The following IGSF5 variants were observed in gnomAD, a reference collection of about 807,000 sequenced individuals.
IGSF5 encodes immunoglobulin superfamily member 5, also known as immunoglobulin superfamily 5 like.
A neutral mutation model predicts 39.4 loss-of-function variants in IGSF5; 41 were observed. That is an observed-to-expected ratio of 1.04 (90% CI 0.81 to 1.35). The LOEUF (loss-of-function observed/expected upper bound fraction) is 1.35, where lower values mean the gene tolerates loss of function less well. Among genes scored for constraint, IGSF5 ranks in the 40% most tolerant of loss-of-function variants. The probability of loss-of-function intolerance (pLI) is 0.00; values close to 1 mark genes in which losing one functional copy is unlikely to be tolerated. For synonymous variants in IGSF5, 183 were observed against 175.3 expected (o/e 1.04, Z -0.34); for missense variants, 487 against 494.6 (o/e 0.98, Z 0.15).
At chr21:39,798,463 G>A (rs1023207141) in intron 8 of IGSF5, among the ~76,000 whole-genome samples, 6 of 152,076 alleles carry the variant, frequency 3.9e-5, no homozygotes, top group East Asian at 1.9e-4. Flanking sequence ...CACTGAATCC[G>A]GAGTCTGGGA....
At chr21:39,741,934 T>C (rs1008230997), upstream of IGSF5, among the ~76,000 whole-genome samples, 1 of 152,038 alleles carries the variant, frequency 6.6e-6, no homozygotes, top group African/African-American at 2.4e-5. Flanking sequence ...ACTCCTAAAA[T>C]TGGAGTATTG....
intron 4 of IGSF5, among the ~76,000 whole-genome samples, chr21:39,775,394 T>G (rs1012018122): frequency 3.3e-5 from 5 of 152,220 alleles, no homozygotes; most frequent in African/African-American, 1.2e-4. Context: ...TCGCCTCTAG[T>G]GGGCACAGGG....
chr21:39,799,551 T>A (rs1411561226), intron 8 of IGSF5, among the ~76,000 whole-genome samples: 1 of 152,138 alleles, frequency 6.6e-6, no homozygotes, highest in African/African-American at 2.4e-5. Flanking sequence ...ATGTATAGCA[T>A]TGTTTCTAAG....
chr21:39,772,008 C>G (rs1268101008), intron 4 of IGSF5, among the ~76,000 whole-genome samples: 1 of 152,220 alleles, frequency 6.6e-6, no homozygotes, highest in African/African-American at 2.4e-5. Flanking sequence ...GTGTCTAAAG[C>G]TTTTCCCACC....
the IGSF5 span, among the ~76,000 whole-genome samples, chr21:39,732,881 C>G: frequency 6.6e-6 from 1 of 151,736 alleles, no homozygotes; most frequent in South Asian, 2.1e-4. Context: ...CAAAAATTAG[C>G]TGGGTGTGGT....
chr21:39,799,199 C>T (rs1272078315), intron 8 of IGSF5, among the ~76,000 whole-genome samples: 1 of 152,228 alleles, frequency 6.6e-6, no homozygotes, highest in Non-Finnish European at 1.5e-5. Flanking sequence ...AGAGATGGGG[C>T]AGTCCTTGTT....
chr21:39,734,090 A>C, the IGSF5 span, among the ~76,000 whole-genome samples: 1 of 152,132 alleles, frequency 6.6e-6, no homozygotes, highest in Non-Finnish European at 1.5e-5. Flanking sequence ...GAAAAAATAG[A>C]TTTTCAATAT....
the IGSF5 span, among the ~76,000 whole-genome samples, chr21:39,712,624 G>A: frequency 3.2e-4 from 49 of 152,186 alleles, no homozygotes; most frequent in African/African-American, 1.1e-3. Flanking sequence ...TCCATGCATA[G>A]CCTCCTTCCC....
chr21:39,764,314 T>C (rs1490021578), intron 2 of IGSF5, among the ~76,000 whole-genome samples: 1 of 152,174 alleles, frequency 6.6e-6, no homozygotes, highest in African/African-American at 2.4e-5. Flanking sequence ...CAGAAACCTT[T>C]AGGGCTATAA....
chr21:39,752,327 C>A (rs2080009512), intron 2 of IGSF5, among the ~76,000 whole-genome samples: 1 of 114,620 alleles, frequency 8.7e-6, no homozygotes, highest in South Asian at 3.3e-4. Context: ...CAAGGTGCTG[C>A]AAAATATGTT....
At chr21:39,756,113 A>G (rs1029942210) in intron 2 of IGSF5, among the ~76,000 whole-genome samples, 1 of 152,002 alleles carries the variant, frequency 6.6e-6, no homozygotes, top group Non-Finnish European at 1.5e-5. Context: ...AAACAAACAA[A>G]CAAACAAACG....
Position 39,795,449 on chromosome 21 carries a change from C to A in IGSF5, c.1128+1836C>A, listed in dbSNP as rs531039595. 2.6e-5 allele frequency among the ~76,000 whole-genome samples: 4 copies of A among 152,016 alleles called. No individual in the cohort carries two copies. The South Asian group carries it at 8.3e-4, about 32-fold the overall frequency. On this transcript the variant is annotated intron_variant, in intron 8 of 8. Coordinates refer to ENST00000380588, the MANE Select transcript of IGSF5 (RefSeq NM_001080444.2). ...GTCTATCAAGTGTGTTTCTATCAGA[C>A]AAGCCAAAGTGTTCAGGTCTGGCGT...
chr21:39,795,080 A>G (rs1253078997), intron 8 of IGSF5, among the ~76,000 whole-genome samples: 2 of 152,164 alleles, frequency 1.3e-5, no homozygotes, highest in African/African-American at 4.8e-5. Flanking sequence ...CATAAAGGCA[A>G]CTGTGCCTGA....
chr21:39,743,324 G>A (rs964520858), upstream of IGSF5, among the ~76,000 whole-genome samples: 1 of 152,176 alleles, frequency 6.6e-6, no homozygotes, highest in Non-Finnish European at 1.5e-5. Flanking sequence ...TGGGGTTAGT[G>A]TCTGATTTAG....
chr21:39,759,017 C>T (rs1480013135), intron 2 of IGSF5, among the ~76,000 whole-genome samples: 1 of 152,102 alleles, frequency 6.6e-6, no homozygotes, highest in Non-Finnish European at 1.5e-5. Flanking sequence ...TCCAGTTACT[C>T]CACCCCACTC....
At chr21:39,788,504 A>G (rs904115654) in intron 6 of IGSF5, among the ~76,000 whole-genome samples, 13 of 152,200 alleles carry the variant, frequency 8.5e-5, no homozygotes, top group African/African-American at 3.1e-4. Flanking sequence ...CACCATGACT[A>G]TCATCCCGCC....
intron 3 of IGSF5, among the ~76,000 whole-genome samples, chr21:39,769,267 G>C (rs534413183): frequency 2.0e-5 from 3 of 152,270 alleles, no homozygotes; most frequent in African/African-American, 7.2e-5. Context: ...CTTGAGCCCA[G>C]GAGTTTGAGA....
intron 3 of IGSF5, among the ~76,000 whole-genome samples, chr21:39,766,056 T>C (rs540525143): frequency 6.6e-6 from 1 of 152,316 alleles, no homozygotes; most frequent in East Asian, 1.9e-4. Flanking sequence ...CCTCACTTCT[T>C]CTTCCCTTCT....
chr21:39,761,509 T>A (rs533972798), intron 2 of IGSF5, among the ~76,000 whole-genome samples: 4 of 152,314 alleles, frequency 2.6e-5, no homozygotes, highest in African/African-American at 9.6e-5. Flanking sequence ...TCACAAACTA[T>A]GCATCTGACA....
Sources: allele counts gnomAD v4.1 joint callset (sites outside exome capture counted in the v4.1 genomes callset), GRCh38; gene constraint gnomAD v4.1.1; transcripts MANE v1.5; gene names NCBI Gene and HGNC (gene_info 2026-07-23, HGNC 2026-07-21).